TNIK: variants seen among roughly 807,000 people sequenced by gnomAD.
TNIK encodes the protein TRAF2 and NCK interacting kinase, also known as TRAF2 and NCK-interacting protein kinase.
In TNIK, 49 loss-of-function variants were observed where a neutral mutation model predicts 191.3. That is an observed-to-expected ratio of 0.26 (90% CI 0.20 to 0.32). The LOEUF (loss-of-function observed/expected upper bound fraction) is 0.32, where lower values mean the gene tolerates loss of function less well. Ranked by LOEUF, TNIK falls within the 10% of genes least tolerant of loss-of-function variation. The probability of loss-of-function intolerance (pLI) is 1.00; values close to 1 mark genes in which losing one functional copy is unlikely to be tolerated. For synonymous variants in TNIK, 594 were observed against 600.9 expected (o/e 0.99, Z 0.17); for missense variants, 1,155 against 1,702.3 (o/e 0.68, Z 5.66).
At chr3:171,426,365 C>T (rs1359598970) in intron 1 of TNIK, among the ~76,000 whole-genome samples, 9 of 132,002 alleles carry the variant, frequency 6.8e-5, no homozygotes, top group African/African-American at 8.8e-5. Context: ...TGAGAACACT[C>T]GGACACAGGA....
Position 171,062,171 on chromosome 3 carries a change from T to TTTG in TNIK, c.*1707_*1709dup, listed in dbSNP as rs762415662. The TTTG allele has an allele frequency of 1.2e-4, 19 of 152,212 alleles. 1 individual carries two copies. Among genetic ancestry groups the TTTG allele is most frequent in the Admixed American group, 1.2e-3 (19 of 15,276 alleles). 9.4% of individuals were successfully genotyped at this position (152,212 alleles called of 1,614,324 possible). ...CAAAGTCAGTAAGATCGTAGTTTTTTTTGTTGTTGTTGTTCCATTTACAGT... is the reference window on the plus strand; with the variant it reads ...CAAAGTCAGTAAGATCGTAGTTTTTTTTGTTGTTGTTGTTGTTCCATTTACAGT... On this transcript the variant is annotated 3_prime_UTR_variant, in exon 33 of 33. Coordinates refer to ENST00000436636, the MANE Select transcript of TNIK (RefSeq NM_015028.4).
intron 9 of TNIK, among the ~76,000 whole-genome samples, chr3:171,169,524 T>A (rs567353721): frequency 6.6e-6 from 1 of 152,224 alleles, no homozygotes. Flanking sequence ...TACCTCAGCC[T>A]CCCAAAGTGC....
At chr3:171,357,132 G>A (rs1285424015) in intron 2 of TNIK, among the ~76,000 whole-genome samples, 1 of 152,130 alleles carries the variant, frequency 6.6e-6, no homozygotes, top group East Asian at 1.9e-4. Flanking sequence ...ATATTAGATG[G>A]TAGGCGGACA....
chr3:171,140,263 T>A (rs34361758), intron 13 of TNIK, 136 bp downstream of exon 13: 51,775 of 675,914 alleles, frequency 0.077, 2,214 homozygotes, highest in African/African-American at 0.13. Flanking sequence ...CTTGAATAGG[T>A]GAGCATAATT....
intron 4 of TNIK, among the ~76,000 whole-genome samples, chr3:171,201,334 G>T (rs531488276): frequency 6.6e-6 from 1 of 152,294 alleles, no homozygotes; most frequent in Non-Finnish European, 1.5e-5. Context: ...AGGCTGCGAA[G>T]GTTGTGGTGA....
intron 1 of TNIK, among the ~76,000 whole-genome samples, chr3:171,410,369 T>A (rs1722219844): frequency 6.6e-6 from 1 of 152,234 alleles, no homozygotes; most frequent in African/African-American, 2.4e-5. Flanking sequence ...CCTCTCTCCA[T>A]ACAGCCTTTC....
intron 21 of TNIK, among the ~76,000 whole-genome samples, chr3:171,104,108 A>ATTATT (rs1576818614): frequency 6.6e-6 from 1 of 152,146 alleles, no homozygotes; most frequent in African/African-American, 2.4e-5. Flanking sequence ...TGGAGGCGAG[A>ATTATT]CATATACCAG....
At chr3:171,157,731 G>C in intron 11 of TNIK, 67 bp from the exon 12 acceptor site, 1 of 1,489,598 alleles carries the variant, frequency 6.7e-7, no homozygotes, top group Non-Finnish European at 9.1e-7. Context: ...AGAGGCCTTG[G>C]AGGAGGAAAG....
chr3:171,345,745 C>T (rs1408493807), intron 2 of TNIK, among the ~76,000 whole-genome samples: 1 of 152,032 alleles, frequency 6.6e-6, no homozygotes, highest in Non-Finnish European at 1.5e-5. Flanking sequence ...TCCTTAGTTG[C>T]AAGGGGATAA....
chr3:171,442,751 C>T (rs721913), intron 1 of TNIK, among the ~76,000 whole-genome samples: 9,178 of 152,106 alleles, frequency 0.06, 527 homozygotes, highest in African/African-American at 0.15. Flanking sequence ...ATTTCCCATG[C>T]TAATTTTCAG....
At chr3:171,291,268 G>A (rs1432105442) in intron 2 of TNIK, among the ~76,000 whole-genome samples, 1 of 152,076 alleles carries the variant, frequency 6.6e-6, no homozygotes, top group Non-Finnish European at 1.5e-5. Flanking sequence ...CATATGCATT[G>A]TAAATAAATT....
At chr3:171,093,776 G>C in intron 23 of TNIK, 63 bp downstream of exon 23, 1 of 1,593,788 alleles carries the variant, frequency 6.3e-7, no homozygotes, top group Non-Finnish European at 8.6e-7. Flanking sequence ...CTCTGTGAAA[G>C]CTTTAATGTA....
chr3:171,353,439 C>A (rs528208977), intron 2 of TNIK, among the ~76,000 whole-genome samples: 1 of 152,200 alleles, frequency 6.6e-6, no homozygotes, highest in Non-Finnish European at 1.5e-5. Context: ...AGCCTGCTAC[C>A]GAGCCTTTCC....
At position 171,157,917 on chromosome 3, in the gene TNIK, G is replaced by C. The variant is rs114747075; in HGVS notation, c.1017-253C>G. Among the ~76,000 whole-genome samples, 372 of 152,318 alleles carry C rather than the reference G, an allele frequency of 2.4e-3. 4 individuals are homozygous for C. Among genetic ancestry groups the C allele is most frequent in the African/African-American group, 8.5e-3 (355 of 41,560 alleles). On this transcript the variant is annotated intron_variant, in intron 11 of 32. Transcript: ENST00000436636. ...TCCATAGAGGGATGTCACATTCTCA[G>C]AGTTGTCACCTTCTCCAGGACTGTC...
intron 2 of TNIK, among the ~76,000 whole-genome samples, chr3:171,286,823 T>C (rs1263871815): frequency 3.3e-5 from 5 of 152,222 alleles, no homozygotes; most frequent in African/African-American, 4.8e-5. Flanking sequence ...CACAATGTTG[T>C]AGTTTGAAGA....
intron 12 of TNIK, among the ~76,000 whole-genome samples, chr3:171,143,008 T>G (rs1463905217): frequency 6.6e-6 from 1 of 152,212 alleles, no homozygotes; most frequent in African/African-American, 2.4e-5. Flanking sequence ...CTCAGGTCCC[T>G]GTGCAAGGTG....
chr3:171,244,060 G>GTTTT (rs34724564), intron 2 of TNIK, among the ~76,000 whole-genome samples: 1,530 of 135,902 alleles, frequency 0.011, 24 homozygotes, highest in East Asian at 0.039. Flanking sequence ...GACAGAAATA[G>GTTTT]TTTTTTTTTT....
intron 2 of TNIK, among the ~76,000 whole-genome samples, chr3:171,334,230 A>T (rs1285845843): frequency 6.6e-6 from 1 of 152,212 alleles, no homozygotes; most frequent in African/African-American, 2.4e-5. Context: ...TAGGAAAATC[A>T]CCCAAGTAGC....
chr3:171,435,213 AC>A (rs1725888505), intron 1 of TNIK, among the ~76,000 whole-genome samples: 1 of 152,126 alleles, frequency 6.6e-6, no homozygotes, highest in African/African-American at 2.4e-5. Context: ...CTTCCCAGGA[AC>A]CCCCAGTGAG....
Sources: gnomAD v4.1 joint callset for allele counts (sites outside exome capture counted in the v4.1 genomes callset) on GRCh38, gnomAD v4.1.1 for gene constraint, MANE v1.5 for transcripts, NCBI Gene and HGNC (gene_info 2026-07-23, HGNC 2026-07-21) for gene names.